The following CSMD2 variants were observed in gnomAD, a reference collection of about 807,000 sequenced individuals.
The protein encoded by CSMD2 is CUB and sushi domain-containing protein 2.
In CSMD2, 130 loss-of-function variants were observed where a neutral mutation model predicts 398.5. The ratio of observed to expected loss-of-function variants is 0.33; its 90% CI spans 0.28 to 0.38. The LOEUF (loss-of-function observed/expected upper bound fraction) is 0.38, where lower values mean the gene tolerates loss of function less well. Among genes scored for constraint, CSMD2 ranks in the 10% least tolerant of loss-of-function variants. The pLI, the probability that CSMD2 is intolerant of heterozygous loss-of-function variation, is 1.00. For synonymous variants in CSMD2, 1,828 were observed against 1,908.5 expected (o/e 0.96, Z 1.10); for missense variants, 3,829 against 4,764.9 (o/e 0.80, Z 5.78).
chr1:33,617,477 T>C (rs771245753), intron 38 of CSMD2, 22 bp downstream of exon 38: 1 of 1,565,660 alleles, frequency 6.4e-7, no homozygotes, highest in Non-Finnish European at 8.8e-7. Flanking sequence ...TGTTTCCTGC[T>C]CTAGGGTGTC....
At chr1:33,941,846 T>C (rs1484023572) in intron 3 of CSMD2, among the ~76,000 whole-genome samples, 1 of 151,830 alleles carries the variant, frequency 6.6e-6, no homozygotes, top group Admixed American at 6.6e-5. Flanking sequence ...ATACATGAGA[T>C]ATATAATTAT....
intron 1 of CSMD2, among the ~76,000 whole-genome samples, chr1:34,119,836 C>G (rs930757488): frequency 1.3e-5 from 2 of 152,060 alleles, no homozygotes; most frequent in African/African-American, 4.8e-5. Flanking sequence ...TAAAATGGTA[C>G]AGCTGCTATA....
chr1:33,937,713 T>C (rs1332028691), intron 3 of CSMD2, among the ~76,000 whole-genome samples: 1 of 152,248 alleles, frequency 6.6e-6, no homozygotes, highest in Non-Finnish European at 1.5e-5. Context: ...CCATCATGTC[T>C]TATTCTGTGT....
intron 19 of CSMD2, among the ~76,000 whole-genome samples, chr1:33,717,904 A>AAAGTAATGATATTCATTAACATTTC: frequency 6.6e-6 from 1 of 152,258 alleles, no homozygotes; most frequent in Non-Finnish European, 1.5e-5. Context: ...AAATAAAATC[A>AAAGTAATGATATTCATTAACATTTC]AAGTAATGAT....
intron 1 of CSMD2, among the ~76,000 whole-genome samples, chr1:34,124,684 T>C (rs7551988): frequency 0.37 from 56,603 of 151,980 alleles, 11,446 homozygotes; most frequent in East Asian, 0.68. Flanking sequence ...AACTTATCAT[T>C]CCAAGGTCCC....
chr1:33,998,917 G>T (rs528512), intron 3 of CSMD2, among the ~76,000 whole-genome samples: 3,826 of 152,164 alleles, frequency 0.025, 156 homozygotes, highest in African/African-American at 0.086. Flanking sequence ...CCAGAGAGTT[G>T]ATCCTCAACT....
intron 1 of CSMD2, among the ~76,000 whole-genome samples, chr1:34,094,811 G>C (rs988975466): frequency 4.6e-5 from 7 of 151,840 alleles, no homozygotes; most frequent in East Asian, 3.9e-4. Context: ...TTAATAATGG[G>C]AGACTTTAAC....
At chr1:33,884,266 T>TC (rs1456895517) in intron 5 of CSMD2, among the ~76,000 whole-genome samples, 1 of 152,020 alleles carries the variant, frequency 6.6e-6, no homozygotes. Context: ...ACATCTATTT[T>TC]CAACCTTTAC....
intron 3 of CSMD2, among the ~76,000 whole-genome samples, chr1:33,957,260 C>T (rs1293206567): frequency 6.6e-6 from 1 of 152,062 alleles, no homozygotes; most frequent in Non-Finnish European, 1.5e-5. Context: ...TAGTATAGAC[C>T]CAGTACCTGG....
chr1:33,750,484 G>A (rs1465705098), intron 13 of CSMD2, among the ~76,000 whole-genome samples: 4 of 152,120 alleles, frequency 2.6e-5, no homozygotes, highest in African/African-American at 9.7e-5. Flanking sequence ...TGATAGAGCT[G>A]GGAAGATGAA....
Position 33,886,769 on chromosome 1 carries a change from T to C in CSMD2, c.920+31325A>G, listed in dbSNP as rs180699965. Among the ~76,000 whole-genome samples the C allele has an allele frequency of 1.8e-4, 28 of 152,320 alleles. 1 individual carries two copies. The highest frequency in any genetic ancestry group is 3.7e-4 in the Non-Finnish European group (25 of 68,036). Reference sequence around the variant, plus strand: ...GCTAAGGGACAGAAGTCATTCCTAATTGCAGCATGTTTTTCAGGGGAAGTC... The same window carrying C: ...GCTAAGGGACAGAAGTCATTCCTAACTGCAGCATGTTTTTCAGGGGAAGTC... On this transcript the variant is annotated intron_variant, in intron 5 of 70. Transcript: ENST00000373381.
At chr1:33,883,184 C>T (rs867958630) in intron 5 of CSMD2, among the ~76,000 whole-genome samples, 1 of 152,194 alleles carries the variant, frequency 6.6e-6, no homozygotes, top group Non-Finnish European at 1.5e-5. Flanking sequence ...ATAGAATGGA[C>T]ATTTAGCTAC....
Position 33,557,936 on chromosome 1 carries a change from G to C in CSMD2, c.8555-14C>G. 2 of 1,528,392 alleles carry C rather than the reference G, an allele frequency of 1.3e-6. No individual in the cohort carries two copies. The highest frequency in any genetic ancestry group is 1.8e-6 in the Non-Finnish European group (2 of 1,140,334). 94.7% of individuals were successfully genotyped at this position (1,528,392 alleles called of 1,614,324 possible). A position where few individuals can be genotyped will look rare whatever the true frequency, so the allele number is the denominator to read the frequency against. On this transcript the variant is annotated splice_polypyrimidine_tract_variant and intron_variant, in intron 54 of 70. Coordinates refer to ENST00000373381, the MANE Select transcript of CSMD2 (RefSeq NM_001281956.2). ...TACAGTTGATGACTGCAATTGAACA[G>C]AAGTCCAAACAGGCATGGATTCCCA...
chr1:34,103,385 G>A lies in CSMD2; in HGVS notation c.188-14192C>T, dbSNP rs376636112. On this transcript the variant is annotated intron_variant, in intron 1 of 70. Transcript: ENST00000373381. ...GCGATCTCGGCTCACTGCTATCTCC[G>A]CCTCCCGGGTTCACGCCATTCTCCT... Among the ~76,000 whole-genome samples the A allele has an allele frequency of 3.7e-5, 5 of 135,050 alleles. No homozygotes were observed. The Admixed American group carries it at 4.2e-4, about 11-fold the overall frequency. The allele number at this position is 135,050 out of a possible 152,430, so 88.6% of individuals were successfully genotyped here.
chr1:33,821,437 C>A (rs1258067695), intron 7 of CSMD2, among the ~76,000 whole-genome samples: 2 of 152,182 alleles, frequency 1.3e-5, no homozygotes, highest in East Asian at 1.9e-4. Context: ...TGGAGCCAGG[C>A]ACACAGCCTG....
intron 10 of CSMD2, among the ~76,000 whole-genome samples, chr1:33,800,858 C>T (rs1024361886): frequency 1.5e-4 from 23 of 152,120 alleles, no homozygotes; most frequent in Admixed American, 1.3e-3. Flanking sequence ...ATTAAAGGGT[C>T]CCCCAGATGT....
At chr1:33,563,530 T>C (rs1362130128) in intron 53 of CSMD2, among the ~76,000 whole-genome samples, 1 of 152,138 alleles carries the variant, frequency 6.6e-6, no homozygotes, top group Non-Finnish European at 1.5e-5. Flanking sequence ...TAGCTAACAA[T>C]TGTTGGGGCT....
At chr1:33,543,180 T>C (rs1360201645) in intron 57 of CSMD2, among the ~76,000 whole-genome samples, 1 of 152,244 alleles carries the variant, frequency 6.6e-6, no homozygotes, top group Non-Finnish European at 1.5e-5. Flanking sequence ...TATCACCAAA[T>C]ATCCAATCAG....
intron 1 of CSMD2, among the ~76,000 whole-genome samples, chr1:34,137,661 C>T (rs918333237): frequency 3.3e-5 from 5 of 152,212 alleles, no homozygotes; most frequent in African/African-American, 1.2e-4. Flanking sequence ...CAACCTGGCC[C>T]AACCTGGCTA....
Sources: gnomAD v4.1 joint callset for allele counts (sites outside exome capture counted in the v4.1 genomes callset) on GRCh38, gnomAD v4.1.1 for gene constraint, MANE v1.5 for transcripts, NCBI Gene and HGNC (gene_info 2026-07-23, HGNC 2026-07-21) for gene names.